The following BSND variants were observed in gnomAD, a reference collection of about 807,000 sequenced individuals.
BSND encodes barttin CLCNK type accessory subunit beta, also known as barttin.
A neutral mutation model predicts 18.8 loss-of-function variants in BSND; 13 were observed. That is an observed-to-expected ratio of 0.69 (90% confidence interval 0.45 to 1.10). BSND has a LOEUF of 1.10. BSND is among the 50% of genes least tolerant of loss of function. The pLI is 0.00. For synonymous variants in BSND, 170 were observed against 161.8 expected (o/e 1.05, Z -0.39); for missense variants, 379 against 416.7 (o/e 0.91, Z 0.79).
Position 55,016,720 on chromosome 1 carries a change from C to A in BSND, c.*8092C>A, listed in dbSNP as rs1644453244. ...GAGTAGCTGGGATTACAGGAGCACA[C>A]CACAGTGCCTGGCTTTATCCTGATA... On this transcript the variant is annotated 3_prime_UTR_variant, in exon 4 of 4. Transcript: ENST00000651561. Among the ~76,000 whole-genome samples, 1 of 152,158 alleles carries A rather than the reference C, an allele frequency of 6.6e-6. No individual in the cohort carries two copies. Among genetic ancestry groups the A allele is most frequent in the Non-Finnish European group, 1.5e-5 (1 of 68,036 alleles).
At position 55,013,196 on chromosome 1, in the gene BSND, G is replaced by T. The variant is rs765671386; in HGVS notation, c.*4568G>T. 1.3e-5 allele frequency among the ~76,000 whole-genome samples: 2 copies of T among 152,014 alleles called. No homozygotes were observed. The highest frequency in any genetic ancestry group is 4.8e-5 in the African/African-American group (2 of 41,368). On this transcript the variant is annotated 3_prime_UTR_variant, in exon 4 of 4. Transcript: ENST00000651561. ...TATTTATTTTGAGATGGAGTGTTGC[G>T]CTTGTTGCCCAGGCTAGAGTGCAAT...
chr1:55,006,932 C>T lies in BSND; in HGVS notation c.273-65C>T, dbSNP rs568171245. ...ACCACATACCCAAAGCAAACAGGGC[C>T]GGGGAGAACACTGGTGTTTGCTGAG... On this transcript the variant is annotated intron_variant, in intron 2 of 3. Transcript: ENST00000651561. 63 of 1,609,098 alleles carry T rather than the reference C, an allele frequency of 3.9e-5. No individual in the cohort carries two copies. In the African/African-American group the frequency reaches 4.3e-4, roughly 11 times the overall value.
At chr1:55,005,953 C>T (rs753319286) in intron 2 of BSND, among the ~76,000 whole-genome samples, 7 of 152,068 alleles carry the variant, frequency 4.6e-5, no homozygotes, top group Non-Finnish European at 8.8e-5. Context: ...AACTGCTTCC[C>T]TCTCTGGAGG....
In BSND at chr1:55,015,477, T is replaced by C. The variant is rs1415996414; in HGVS notation, c.*6849T>C. Among the ~76,000 whole-genome samples the C allele has an allele frequency of 6.6e-6, 1 of 151,958 alleles. No individual in the cohort carries two copies. Among genetic ancestry groups the C allele is most frequent in the African/African-American group, 2.4e-5 (1 of 41,358 alleles). On this transcript the variant is annotated 3_prime_UTR_variant, in exon 4 of 4. Transcript: ENST00000651561. ...CTCAGGAAGTCCCCAGGTCAGAAAA[T>C]GGGCCCCACTGGTGATTCTGCAGAT...
In BSND at chr1:55,011,117, T is replaced by G. The variant is rs1644420421; in HGVS notation, c.*2489T>G. ...TTAGACTTAAACAAGAGCCTCTGGT[T>G]GCTGGGCCTGCCAGCAGGAAGATGG... is the stretch of plus-strand genomic sequence containing the variant. On this transcript the variant is annotated 3_prime_UTR_variant, in exon 4 of 4. Transcript: ENST00000651561. 6.6e-6 allele frequency: 1 copy of G among 152,230 alleles called. No individual in the cohort carries two copies. The highest frequency in any genetic ancestry group is 1.5e-5 in the Non-Finnish European group (1 of 68,058). The allele number at this position is 152,230 out of a possible 1,614,324, so 9.4% of individuals were successfully genotyped here.
In BSND at chr1:55,008,354, G is replaced by T; in HGVS notation, c.689G>T (p.Gly230Val). The T allele has an allele frequency of 2.5e-6, 4 of 1,614,234 alleles. No individual in the cohort carries two copies. Among genetic ancestry groups the T allele is most frequent in the Non-Finnish European group, 3.4e-6 (4 of 1,180,046 alleles). The part of the protein sequence containing the change: ...EACSPQQEPQ[G>V]CRCPLDRFQD... ...TGTTCCCCACAACAGGAACCTCAGG[G>T]CTGCAGGTGCCCGCTGGACCGCTTC... Residue 230 changes from glycine (G) to valine (V), a missense_variant, in exon 4 of 4, where the codon GGC becomes GTC. Transcript: ENST00000651561.
chr1:55,003,385 T>C (rs903312186), intron 1 of BSND, among the ~76,000 whole-genome samples: 3 of 152,154 alleles, frequency 2.0e-5, no homozygotes, highest in Admixed American at 2.0e-4. Context: ...CACATCCAGC[T>C]AAATTTGTTA....
At position 55,005,445 on chromosome 1, in the gene BSND, G is replaced by A. The variant is rs184627210; in HGVS notation, c.272+329G>A. On this transcript the variant is annotated intron_variant, in intron 2 of 3. Transcript: ENST00000651561. The stretch of plus-strand genomic sequence containing the variant: ...GTGCAATAGAGTCACAGGAGTAAGT[G>A]CTTCTACTACTGACAAACAAGAGGC... Among the ~76,000 whole-genome samples, 444 of 152,332 alleles carry A rather than the reference G, an allele frequency of 2.9e-3. 1 individual carries two copies. Among genetic ancestry groups the A allele is most frequent in the Middle Eastern group, 6.8e-3 (2 of 294 alleles).
chr1:55,004,313 C>T (rs1297443009), intron 1 of BSND, among the ~76,000 whole-genome samples: 1 of 152,228 alleles, frequency 6.6e-6, no homozygotes, highest in Non-Finnish European at 1.5e-5. Context: ...AGTATCTCTT[C>T]GAGGGTAGCC....
rs1644420911 is a variant in BSND at position 55,011,242 on chromosome 1, G to T, written c.*2614G>T. On this transcript the variant is annotated 3_prime_UTR_variant, in exon 4 of 4. Coordinates refer to ENST00000651561, the MANE Select transcript of BSND (RefSeq NM_057176.3). ...TCCCTGGCTCTTGCTGCATGATGGGGAGACCACACACCTGATCTGCCCAGG... is the reference window on the plus strand; with the variant it reads ...TCCCTGGCTCTTGCTGCATGATGGGTAGACCACACACCTGATCTGCCCAGG... 6.6e-6 allele frequency: 1 copy of T among 152,266 alleles called. No homozygotes were observed. Among genetic ancestry groups the T allele is most frequent in the African/African-American group, 2.4e-5 (1 of 41,434 alleles). The allele number at this position is 152,266 out of a possible 1,614,324, so 9.4% of individuals were successfully genotyped here. A position where few individuals can be genotyped will look rare whatever the true frequency, so the allele number is the denominator to read the frequency against.
At chr1:55,000,148 G>A (rs1031400982) in intron 1 of BSND, among the ~76,000 whole-genome samples, 8 of 152,150 alleles carry the variant, frequency 5.3e-5, no homozygotes, top group African/African-American at 1.9e-4. Context: ...TCAGAGAAGA[G>A]ATAAGATATA....
Position 55,008,847 on chromosome 1 carries a change from C to T in BSND, c.*219C>T. ...GTGGTCTTTGGCCAACCTTTGAAGG[C>T]AAAATATGATTTGTTGAGGTTTGCA... On this transcript the variant is annotated 3_prime_UTR_variant, in exon 4 of 4. Coordinates refer to ENST00000651561, the MANE Select transcript of BSND (RefSeq NM_057176.3). The T allele has an allele frequency of 1.5e-6, 1 of 682,318 alleles. No individual in the cohort carries two copies. The highest frequency in any genetic ancestry group is 2.4e-6 in the Non-Finnish European group (1 of 409,576). The allele number at this position is 682,318 out of a possible 1,614,324, so 42.3% of individuals were successfully genotyped here. A position where few individuals can be genotyped will look rare whatever the true frequency, so the allele number is the denominator to read the frequency against.
At position 55,015,788 on chromosome 1, in the gene BSND, C is replaced by T. The variant is rs1185192667; in HGVS notation, c.*7160C>T. On this transcript the variant is annotated 3_prime_UTR_variant, in exon 4 of 4. Coordinates refer to ENST00000651561, the MANE Select transcript of BSND (RefSeq NM_057176.3). ...GGGCTAACTGCAGAGTGAACAGTGA[C>T]AGGTCAGTGCTGAGCAGAGGGAAGC... 6.6e-6 allele frequency among the ~76,000 whole-genome samples: 1 copy of T among 152,182 alleles called. No homozygotes were observed. The highest frequency in any genetic ancestry group is 1.5e-5 in the Non-Finnish European group (1 of 68,034).
chr1:55,005,856 C>CGGGCCTGCACTCAGCAGTGGTGGAGGCG (rs1198682370), intron 2 of BSND, among the ~76,000 whole-genome samples: 339 of 152,132 alleles, frequency 2.2e-3, no homozygotes, highest in Middle Eastern at 6.8e-3. Context: ...TGATGGAAGC[C>CGGGCCTGCACTCAGCAGTGGTGGAGGCG]GGGCCTGCAC....
In BSND at chr1:55,015,190, G is replaced by T. The variant is rs999767207; in HGVS notation, c.*6562G>T. Among the ~76,000 whole-genome samples, 1 of 152,274 alleles carries T rather than the reference G, an allele frequency of 6.6e-6. No homozygotes were observed. The highest frequency in any genetic ancestry group is 2.4e-5 in the African/African-American group (1 of 41,478). On this transcript the variant is annotated 3_prime_UTR_variant, in exon 4 of 4. Coordinates refer to ENST00000651561, the MANE Select transcript of BSND (RefSeq NM_057176.3). ...GTATTGGTGGCAAGAAGGCTGGTTT[G>T]TGCCCTGCGGCAGGGATTTCATTCT...
intron 3 of BSND, 45 bp downstream of exon 3, chr1:55,007,317 G>C (rs1165110959): frequency 6.8e-7 from 1 of 1,468,764 alleles, no homozygotes. Context: ...CCAGTTCAAG[G>C]GTTAAAAAGG....
rs1165817412 is a variant in BSND at position 55,005,080 on chromosome 1, G to C, written c.236G>C (p.Gly79Ala). The C allele has an allele frequency of 6.2e-7, 1 of 1,614,072 alleles. No homozygotes were observed. The highest frequency in any genetic ancestry group is 8.5e-7 in the Non-Finnish European group (1 of 1,180,040). ...FQGILSPKAM[G>A]LLENGLAAEM... is the part of the protein sequence containing the mutation. Reference sequence around the variant, plus strand: ...GGCATCCTCTCCCCAAAGGCCATGGGCCTGCTGGAGAATGGGCTTGCTGCC... The same window carrying C: ...GGCATCCTCTCCCCAAAGGCCATGGCCCTGCTGGAGAATGGGCTTGCTGCC... The change falls in exon 2 of 4, where the codon GGC becomes GCC. Residue 79 changes from glycine to alanine, a missense_variant. Coordinates refer to ENST00000651561, the MANE Select transcript of BSND (RefSeq NM_057176.3).
chr1:55,002,693 C>T (rs565195984), intron 1 of BSND, among the ~76,000 whole-genome samples: 44 of 152,128 alleles, frequency 2.9e-4, no homozygotes, highest in Non-Finnish European at 6.0e-4. Flanking sequence ...TTAAGATGCC[C>T]CATCCTTTCC....
intron 3 of BSND, 74 bp downstream of exon 3, chr1:55,007,346 C>A: frequency 1.1e-5 from 4 of 357,232 alleles, no homozygotes; most frequent in East Asian, 9.1e-5. Context: ...GGGGGACCGC[C>A]GAGGGGTGGG....
Sources: gnomAD v4.1 joint callset for allele counts (sites outside exome capture counted in the v4.1 genomes callset) on GRCh38, gnomAD v4.1.1 for gene constraint, MANE v1.5 for transcripts, NCBI Gene and HGNC (gene_info 2026-07-23, HGNC 2026-07-21) for gene names.